PRR16: variants seen among roughly 807,000 people sequenced by gnomAD.
PRR16 encodes the protein proline rich 16.
PRR16 carries 6 observed loss-of-function variants against 18.2 expected under a neutral mutation model. The observed-to-expected ratio is 0.33, with a 90% CI of 0.18 to 0.65. The LOEUF is 0.65. PRR16 is among the 30% of genes least tolerant of loss of function. The pLI is 0.74. For missense variants in PRR16, 412 were observed against 376.6 expected (o/e 1.09, Z -0.78); for synonymous variants, 151 against 147.8 (o/e 1.02, Z -0.16).
intron 1 of PRR16, among the ~76,000 whole-genome samples, chr5:120,477,442 A>T (rs1159454632): frequency 6.6e-6 from 1 of 152,070 alleles, no homozygotes; most frequent in African/African-American, 2.4e-5. Context: ...GTTATGTTCA[A>T]TTCACTAGAA....
chr5:120,733,044 T>A, the PRR16 span, among the ~76,000 whole-genome samples: 1 of 152,196 alleles, frequency 6.6e-6, no homozygotes, highest in Non-Finnish European at 1.5e-5. Flanking sequence ...CTGAGTGGCC[T>A]CACCCAACAT....
In PRR16 at chr5:120,673,276, G is replaced by C. The variant is rs551032744; in HGVS notation, c.160-12678G>C. On this transcript the variant is annotated intron_variant, in intron 1 of 1. Coordinates refer to ENST00000407149, the MANE Select transcript of PRR16 (RefSeq NM_001300783.2). Reference sequence around the variant, plus strand: ...GTTTCTTTTTCCTAAACAGCATTTCGGCATGTGCCAATTAGAAGTTAGAAG... The same window carrying C: ...GTTTCTTTTTCCTAAACAGCATTTCCGCATGTGCCAATTAGAAGTTAGAAG... Among the ~76,000 whole-genome samples, 16 of 152,134 alleles carry C rather than the reference G, an allele frequency of 1.1e-4. 1 individual carries two copies. The highest frequency in any genetic ancestry group is 9.8e-4 in the Admixed American group (15 of 15,278).
the PRR16 span, among the ~76,000 whole-genome samples, chr5:120,714,427 A>ATTTTGC: frequency 1.3e-5 from 2 of 152,172 alleles, no homozygotes; most frequent in Non-Finnish European, 2.9e-5. Flanking sequence ...TGCAAATCAA[A>ATTTTGC]ACCACAATGA....
chr5:120,784,726 C>T, the PRR16 span, among the ~76,000 whole-genome samples: 1 of 152,046 alleles, frequency 6.6e-6, no homozygotes, highest in Non-Finnish European at 1.5e-5. Flanking sequence ...ACTTTTTTCC[C>T]AGGTCTCAAG....
chr5:120,677,228 G>T (rs1266698644), intron 1 of PRR16, among the ~76,000 whole-genome samples: 1 of 152,110 alleles, frequency 6.6e-6, no homozygotes, highest in Non-Finnish European at 1.5e-5. Flanking sequence ...AAGTGTGTTT[G>T]CGATGACTAT....
At chr5:120,617,223 G>C (rs1410789549) in intron 1 of PRR16, 1 of 949,712 alleles carries the variant, frequency 1.1e-6, no homozygotes, top group Non-Finnish European at 1.3e-6. Context: ...ATGTTTGCAG[G>C]AATTTGGACA....
chr5:120,671,807 T>C (rs1561607425), intron 1 of PRR16, among the ~76,000 whole-genome samples: 1 of 152,162 alleles, frequency 6.6e-6, no homozygotes, highest in African/African-American at 2.4e-5. Flanking sequence ...TAAATATGTG[T>C]GTGTACATAT....
the PRR16 span, among the ~76,000 whole-genome samples, chr5:120,761,159 C>T: frequency 4.6e-5 from 7 of 151,740 alleles, no homozygotes; most frequent in Non-Finnish European, 7.4e-5. Flanking sequence ...GTATCTATTG[C>T]TTCATATGTA....
intron 1 of PRR16, among the ~76,000 whole-genome samples, chr5:120,620,608 A>T (rs949484652): frequency 1.1e-4 from 17 of 152,268 alleles, no homozygotes; most frequent in African/African-American, 3.8e-4. Flanking sequence ...TCAAGGTTCT[A>T]TGTATGGAAC....
intron 1 of PRR16, among the ~76,000 whole-genome samples, chr5:120,663,718 G>T (rs1756257460): frequency 6.6e-6 from 1 of 152,138 alleles, no homozygotes; most frequent in African/African-American, 2.4e-5. Context: ...TCACTGTAGA[G>T]TATATGTATT....
the PRR16 span, among the ~76,000 whole-genome samples, chr5:120,695,533 T>A: frequency 1.3e-5 from 2 of 152,208 alleles, no homozygotes; most frequent in African/African-American, 4.8e-5. Context: ...ATTTCCCACC[T>A]GCCTGCTCAC....
chr5:120,545,612 G>A (rs1294140514), intron 1 of PRR16, among the ~76,000 whole-genome samples: 1 of 151,926 alleles, frequency 6.6e-6, no homozygotes, highest in East Asian at 1.9e-4. Context: ...TGAAAATGTT[G>A]CATGGTGTAT....
chr5:120,491,435 TTTCCTTTCC>T (rs1750037704), intron 1 of PRR16, among the ~76,000 whole-genome samples: 1 of 63,802 alleles, frequency 1.6e-5, no homozygotes, highest in Non-Finnish European at 3.1e-5. Context: ...TTTCCTTTCC[TTTCCTTTCC>T]TTTCCTTTCC....
chr5:120,644,290 T>A (rs530523456), intron 1 of PRR16, among the ~76,000 whole-genome samples: 6 of 152,218 alleles, frequency 3.9e-5, no homozygotes, highest in African/African-American at 1.2e-4. Flanking sequence ...TAACTTTAAC[T>A]TATAGAATAT....
At chr5:120,676,180 T>G (rs1756789074) in intron 1 of PRR16, among the ~76,000 whole-genome samples, 1 of 152,184 alleles carries the variant, frequency 6.6e-6, no homozygotes, top group South Asian at 2.1e-4. Flanking sequence ...GGAATATCCT[T>G]TCTTCTTAAT....
At chr5:120,514,995 C>T (rs555282898) in intron 1 of PRR16, among the ~76,000 whole-genome samples, 7 of 152,234 alleles carry the variant, frequency 4.6e-5, no homozygotes, top group African/African-American at 1.7e-4. Flanking sequence ...TATCAATTTT[C>T]TTTCTTAGTC....
At chr5:120,724,346 A>T in the PRR16 span, among the ~76,000 whole-genome samples, 2 of 152,112 alleles carry the variant, frequency 1.3e-5, no homozygotes, top group Admixed American at 6.6e-5. Flanking sequence ...TGCTGTGCCT[A>T]TAATGATTAA....
At chr5:120,488,381 G>T (rs1334648847) in intron 1 of PRR16, among the ~76,000 whole-genome samples, 6 of 152,140 alleles carry the variant, frequency 3.9e-5, no homozygotes, top group Non-Finnish European at 8.8e-5. Context: ...TCTTGGGAGG[G>T]TGTATGTGTC....
chr5:120,552,484 C>T (rs1752284724), intron 1 of PRR16, among the ~76,000 whole-genome samples: 1 of 151,774 alleles, frequency 6.6e-6, no homozygotes, highest in South Asian at 2.1e-4. Flanking sequence ...TAGAATTTAT[C>T]CCATTTATAT....
Sources: allele counts gnomAD v4.1 joint callset (sites outside exome capture counted in the v4.1 genomes callset), GRCh38; gene constraint gnomAD v4.1.1; transcripts MANE v1.5; gene names NCBI Gene and HGNC (gene_info 2026-07-23, HGNC 2026-07-21).